Variants in PTGR3 observed in about 807,000 individuals in gnomAD.
The protein encoded by PTGR3 is zinc binding alcohol dehydrogenase domain containing 2.
the PTGR3 span, chr18:75,201,241 TC>T: frequency 6.9e-6 from 4 of 582,744 alleles, no homozygotes; most frequent in African/African-American, 1.9e-5. Context: ...TTTTTTTTTT[TC>T]CCCCAAGGGA....
the PTGR3 span, among the ~76,000 whole-genome samples, chr18:75,206,056 GTC>G: frequency 1.3e-5 from 2 of 152,120 alleles, no homozygotes; most frequent in South Asian, 2.1e-4. Flanking sequence ...ACCTGGGGAT[GTC>G]TCTCTCTCTC....
the PTGR3 span, among the ~76,000 whole-genome samples, chr18:75,207,637 C>A: frequency 6.7e-6 from 1 of 149,784 alleles, no homozygotes; most frequent in Non-Finnish European, 1.5e-5. Context: ...CACAATCCTA[C>A]CCATGGTTCA....
chr18:75,204,562 C>T, the PTGR3 span, among the ~76,000 whole-genome samples: 1 of 152,182 alleles, frequency 6.6e-6, no homozygotes, highest in Admixed American at 6.5e-5. Context: ...GTCCAGGCTC[C>T]GTCCATCTAA....
chr18:75,203,737 GCCTACGTTCTATTTTTTTTTT>G, the PTGR3 span, among the ~76,000 whole-genome samples: 580 of 149,224 alleles, frequency 3.9e-3, 7 homozygotes, highest in Admixed American at 0.025. Context: ...ATATCAAGAT[GCCTACGTTCTATTTTTTTTTT>G]CCTACATTCT....
chr18:75,206,663 C>T, the PTGR3 span, among the ~76,000 whole-genome samples: 1 of 151,984 alleles, frequency 6.6e-6, no homozygotes, highest in African/African-American at 2.4e-5. Flanking sequence ...AGATTCTGTC[C>T]CCTCCCAACT....
At chr18:75,206,002 A>G in the PTGR3 span, among the ~76,000 whole-genome samples, 2 of 152,186 alleles carry the variant, frequency 1.3e-5, no homozygotes, top group African/African-American at 4.8e-5. Context: ...ATAATCTGTC[A>G]CCTTCTTACG....
chr18:75,205,107 C>T, the PTGR3 span: 16 of 971,452 alleles, frequency 1.6e-5, no homozygotes, highest in African/African-American at 2.8e-4. Flanking sequence ...GGACCCCCAC[C>T]TCCACCGGGA....
At chr18:75,209,119 C>CGCTCG in the PTGR3 span, 20 of 1,365,574 alleles carry the variant, frequency 1.5e-5, no homozygotes, top group African/African-American at 9.3e-5. This position sits in a 1 kb window ranked among gnomAD's most constrained non-coding sequence, Gnocchi z 4.7. Context: ...CCGCCCGGGC[C>CGCTCG]GCTCGGCTCG....
chr18:75,208,256 G>A, the PTGR3 span: 12 of 922,270 alleles, frequency 1.3e-5, no homozygotes, highest in Non-Finnish European at 1.6e-5. Flanking sequence ...AACACTCAGG[G>A]GACAGACAAC....
At chr18:75,208,530 G>A in the PTGR3 span, 2 of 1,078,686 alleles carry the variant, frequency 1.9e-6, no homozygotes, top group Non-Finnish European at 2.2e-6. Flanking sequence ...CCCCTTCTGG[G>A]TCCCGTCGGT....
chr18:75,208,864 G>A, the PTGR3 span: 1 of 1,520,492 alleles, frequency 6.6e-7, no homozygotes, highest in Admixed American at 2.1e-5. Context: ...TCCGGACGAG[G>A]AGGTCTCCGT....
At chr18:75,199,937 C>T in the PTGR3 span, 1 of 152,576 alleles carries the variant, frequency 6.6e-6, no homozygotes, top group Admixed American at 6.5e-5. Flanking sequence ...CTAGCAGCTA[C>T]ATTAGGTACC....
chr18:75,206,248 C>T, the PTGR3 span, among the ~76,000 whole-genome samples: 1 of 152,150 alleles, frequency 6.6e-6, no homozygotes, highest in Non-Finnish European at 1.5e-5. Context: ...CAATGTCTAG[C>T]TTACAAGCAC....
chr18:75,200,305 TG>T, the PTGR3 span: 1 of 152,236 alleles, frequency 6.6e-6, no homozygotes, highest in Non-Finnish European at 1.5e-5. Flanking sequence ...TGGGTCAATG[TG>T]GGACATCAGG....
chr18:75,205,724 A>C, the PTGR3 span, among the ~76,000 whole-genome samples: 7 of 152,078 alleles, frequency 4.6e-5, no homozygotes, highest in Non-Finnish European at 7.4e-5. Context: ...TTAAGAAAAA[A>C]AAGAAAAAAG....
chr18:75,205,805 G>C, the PTGR3 span, among the ~76,000 whole-genome samples: 1 of 151,748 alleles, frequency 6.6e-6, no homozygotes, highest in African/African-American at 2.4e-5. Flanking sequence ...GAAAAAAAGC[G>C]GGGGGGAGGG....
chr18:75,200,460 ATTC>A, the PTGR3 span: 14 of 152,206 alleles, frequency 9.2e-5, no homozygotes, highest in Admixed American at 9.2e-4. Context: ...AAGCAAATGT[ATTC>A]TTCCTTGAGA....
At chr18:75,201,253 AGAGGAG>A in the PTGR3 span, 1 of 578,734 alleles carries the variant, frequency 1.7e-6, no homozygotes, top group Non-Finnish European at 2.9e-6. Context: ...CCCCAAGGGA[AGAGGAG>A]GAGGAGGAGG....
the PTGR3 span, among the ~76,000 whole-genome samples, chr18:75,204,519 C>T: frequency 6.6e-6 from 1 of 152,228 alleles, no homozygotes; most frequent in African/African-American, 2.4e-5. Context: ...AGCGCTGGAG[C>T]GGTGGCAGCA....
Sources: allele counts gnomAD v4.1 joint callset (sites outside exome capture counted in the v4.1 genomes callset), GRCh38; gene constraint gnomAD v4.1.1; non-coding constraint Gnocchi (gnomAD v3.1); transcripts MANE v1.5; gene names NCBI Gene and HGNC (gene_info 2026-07-23, HGNC 2026-07-21).